The following JARID2 variants were observed in gnomAD, a reference collection of about 807,000 sequenced individuals.
The protein encoded by JARID2 is jumonji and AT-rich interaction domain containing 2, also known as protein Jumonji.
In JARID2, 21 loss-of-function variants were observed where a neutral mutation model predicts 125.6. The observed-to-expected ratio is 0.17, with a 90% CI of 0.12 to 0.24. JARID2 has a LOEUF of 0.24. JARID2 is among the 10% of genes least tolerant of loss of function. JARID2 has a pLI of 1.00. For missense variants in JARID2, 1,303 were observed against 1,639.6 expected (o/e 0.79, Z 3.55); for synonymous variants, 736 against 661.6 (o/e 1.11, Z -1.73).
intron 1 of JARID2, among the ~76,000 whole-genome samples, chr6:15,311,116 G>A (rs575869453): frequency 2.5e-4 from 38 of 152,260 alleles, no homozygotes; most frequent in African/African-American, 7.9e-4. Context: ...AGACCCTTCC[G>A]CGTGGCGTAT....
intron 1 of JARID2, among the ~76,000 whole-genome samples, chr6:15,348,741 C>T (rs1763330685): frequency 6.6e-6 from 1 of 152,200 alleles, no homozygotes; most frequent in South Asian, 2.1e-4. Context: ...TTTGCAGACC[C>T]AGCTCCCAGC....
chr6:15,312,332 C>T (rs1260074157), intron 1 of JARID2, among the ~76,000 whole-genome samples: 2 of 152,228 alleles, frequency 1.3e-5, no homozygotes, highest in African/African-American at 4.8e-5. Flanking sequence ...GGGTTACAGG[C>T]GTGAGCCACC....
At chr6:15,277,736 G>C (rs559611575) in intron 1 of JARID2, among the ~76,000 whole-genome samples, 2 of 149,334 alleles carry the variant, frequency 1.3e-5, no homozygotes, top group Non-Finnish European at 3.0e-5. Flanking sequence ...ACAGAGAACA[G>C]CTTTCTATTT....
At chr6:15,270,138 G>A (rs938616042) in intron 1 of JARID2, among the ~76,000 whole-genome samples, 2 of 152,014 alleles carry the variant, frequency 1.3e-5, no homozygotes, top group Non-Finnish European at 2.9e-5. Context: ...CTGTCCGTCC[G>A]TCCTTCCGTC....
chr6:15,386,258 G>A (rs1764780993), intron 2 of JARID2, among the ~76,000 whole-genome samples: 1 of 137,092 alleles, frequency 7.3e-6, no homozygotes, highest in African/African-American at 2.8e-5. Flanking sequence ...CCCTCTCCCT[G>A]TTCTTCTCCC....
At chr6:15,351,717 G>A (rs752531857) in intron 1 of JARID2, among the ~76,000 whole-genome samples, 14 of 152,116 alleles carry the variant, frequency 9.2e-5, no homozygotes, top group Non-Finnish European at 1.5e-4. Context: ...AGTTATCCTG[G>A]GCTTCTGATG....
At chr6:15,508,296 T>C (rs1354409460) in intron 11 of JARID2, 44 bp from the exon 12 acceptor site, 1 of 948,226 alleles carries the variant, frequency 1.1e-6, no homozygotes, top group Non-Finnish European at 1.7e-6. Flanking sequence ...TGAGACCTTG[T>C]TGCCTAGCTT....
chr6:15,400,916 C>T, intron 2 of JARID2: 6 of 1,289,116 alleles, frequency 4.7e-6, no homozygotes, highest in Non-Finnish European at 6.1e-6. Flanking sequence ...TGTCCTTCTT[C>T]CTCTCTGTCT....
chr6:15,424,966 C>T (rs1356530598), intron 3 of JARID2, among the ~76,000 whole-genome samples: 3 of 152,206 alleles, frequency 2.0e-5, no homozygotes, highest in Admixed American at 6.5e-5. Context: ...TATGTTAGCC[C>T]ATTTTATTCT....
At chr6:15,290,829 C>T (rs1761180062) in intron 1 of JARID2, among the ~76,000 whole-genome samples, 1 of 152,164 alleles carries the variant, frequency 6.6e-6, no homozygotes, top group African/African-American at 2.4e-5. Context: ...ACCATGTTAG[C>T]CAGTATGGTC....
chr6:15,397,063 C>G (rs1256902219), intron 2 of JARID2, among the ~76,000 whole-genome samples: 1 of 152,174 alleles, frequency 6.6e-6, no homozygotes, highest in Non-Finnish European at 1.5e-5. Flanking sequence ...AGCATTCAAG[C>G]CAGACTGTGT....
chr6:15,348,296 T>G (rs577191288), intron 1 of JARID2, among the ~76,000 whole-genome samples: 2 of 152,256 alleles, frequency 1.3e-5, no homozygotes, highest in East Asian at 3.9e-4. Flanking sequence ...TTCACCATGT[T>G]GGCCAGTCCG....
chr6:15,428,770 G>T (rs1418673880), intron 3 of JARID2, among the ~76,000 whole-genome samples: 1 of 152,028 alleles, frequency 6.6e-6, no homozygotes, highest in Non-Finnish European at 1.5e-5. Flanking sequence ...GCTGGGCCTG[G>T]TGGCACACAC....
intron 4 of JARID2, among the ~76,000 whole-genome samples, chr6:15,464,175 A>G (rs750855996): frequency 2.0e-5 from 3 of 152,164 alleles, no homozygotes; most frequent in Non-Finnish European, 2.9e-5. Context: ...AGAAAAAAAG[A>G]ACCTACTTTG....
chr6:15,281,953 T>C (rs1561767083), intron 1 of JARID2, among the ~76,000 whole-genome samples: 1 of 151,798 alleles, frequency 6.6e-6, no homozygotes, highest in Non-Finnish European at 1.5e-5. Context: ...TGTGTGTGTG[T>C]GTGTGTGTGT....
chr6:15,273,081 G>A (rs1314739735), intron 1 of JARID2, among the ~76,000 whole-genome samples: 1 of 152,092 alleles, frequency 6.6e-6, no homozygotes, highest in Non-Finnish European at 1.5e-5. Flanking sequence ...TTCAGCATAT[G>A]GCATTTACTA....
intron 12 of JARID2, 119 bp downstream of exon 12, chr6:15,508,573 C>G: frequency 1.5e-6 from 1 of 668,928 alleles, no homozygotes; most frequent in Non-Finnish European, 2.7e-6. Context: ...ACTTGCTTCT[C>G]TGTGTTCAGG....
chr6:15,267,796 C>T (rs926888949), intron 1 of JARID2, among the ~76,000 whole-genome samples: 3 of 152,036 alleles, frequency 2.0e-5, no homozygotes, highest in Non-Finnish European at 4.4e-5. Flanking sequence ...TGCTGATCCC[C>T]AGAGGGTTTA....
intron 3 of JARID2, among the ~76,000 whole-genome samples, chr6:15,435,863 G>T (rs1405334233): frequency 3.3e-5 from 5 of 151,686 alleles, no homozygotes; most frequent in African/African-American, 1.2e-4. Flanking sequence ...GGAGTACAGA[G>T]CAAACCAATC....
Sources: gnomAD v4.1 joint callset for allele counts (sites outside exome capture counted in the v4.1 genomes callset) on GRCh38, gnomAD v4.1.1 for gene constraint, MANE v1.5 for transcripts, NCBI Gene and HGNC (gene_info 2026-07-23, HGNC 2026-07-21) for gene names.